The following ADCY8 variants were observed in gnomAD, a reference collection of about 807,000 sequenced individuals.
The protein encoded by ADCY8 is adenylate cyclase type 8.
Under a neutral mutation model 119.7 loss-of-function variants are expected in ADCY8, and 51 were observed. That is an observed-to-expected ratio of 0.43 (90% CI 0.34 to 0.54). ADCY8 has a LOEUF of 0.54. Ranked by LOEUF, ADCY8 falls within the 20% of genes least tolerant of loss-of-function variation. The probability of loss-of-function intolerance (pLI) is 0.03; values close to 1 mark genes in which losing one functional copy is unlikely to be tolerated. For missense variants in ADCY8, 1,383 were observed against 1,598.8 expected, an observed-to-expected ratio of 0.87 and a Z score of 2.30; for synonymous variants, 665 against 651.0, an observed-to-expected ratio of 1.02 and a Z score of -0.33.
At chr8:130,817,124 G>C (rs984956859) in intron 13 of ADCY8, among the ~76,000 whole-genome samples, 1 of 152,188 alleles carries the variant, frequency 6.6e-6, no homozygotes, top group African/African-American at 2.4e-5. Flanking sequence ...GGTAACAATT[G>C]TATTAATATA....
At chr8:131,013,143 T>G (rs1269161198) in intron 1 of ADCY8, among the ~76,000 whole-genome samples, 1 of 152,228 alleles carries the variant, frequency 6.6e-6, no homozygotes, top group Non-Finnish European at 1.5e-5. Flanking sequence ...CAAGTATGAC[T>G]GAGGCATTTA....
At chr8:130,915,692 T>G (rs2130566541) in intron 5 of ADCY8, among the ~76,000 whole-genome samples, 1 of 152,280 alleles carries the variant, frequency 6.6e-6, no homozygotes, top group South Asian at 2.1e-4. Context: ...TAGTACTAAC[T>G]TTTGGAAGTA....
At chr8:131,008,718 G>A (rs1405228304) in intron 1 of ADCY8, among the ~76,000 whole-genome samples, 1 of 152,158 alleles carries the variant, frequency 6.6e-6, no homozygotes, top group Non-Finnish European at 1.5e-5. Context: ...AAAGTTTGGA[G>A]GGCTCAGAAG....
At chr8:130,841,027 C>CA (rs1464328721) in intron 11 of ADCY8, among the ~76,000 whole-genome samples, 1 of 152,012 alleles carries the variant, frequency 6.6e-6, no homozygotes, top group Non-Finnish European at 1.5e-5. Flanking sequence ...CAGGAGAAGA[C>CA]AAAAAACCCC....
chr8:130,973,358 A>T (rs1273912150), intron 2 of ADCY8, among the ~76,000 whole-genome samples: 2 of 152,252 alleles, frequency 1.3e-5, no homozygotes, highest in Admixed American at 6.5e-5. Flanking sequence ...GAATCTTCAA[A>T]ATTGTTTGTA....
intron 1 of ADCY8, among the ~76,000 whole-genome samples, chr8:131,004,992 T>A (rs1449066637): frequency 6.6e-6 from 1 of 152,198 alleles, no homozygotes; most frequent in Admixed American, 6.5e-5. Flanking sequence ...TTTAACTTAC[T>A]GGTGACCTAT....
At chr8:130,884,248 T>C (rs1818893747) in intron 8 of ADCY8, among the ~76,000 whole-genome samples, 1 of 152,218 alleles carries the variant, frequency 6.6e-6, no homozygotes, top group South Asian at 2.1e-4. Flanking sequence ...GGTAAGTGGC[T>C]GTTAATGCCA....
intron 14 of ADCY8, among the ~76,000 whole-genome samples, chr8:130,802,322 A>G (rs563288505): frequency 3.3e-5 from 5 of 152,284 alleles, no homozygotes; most frequent in Admixed American, 6.5e-5. Context: ...TCTTCTAAAC[A>G]TATTTGCTCC....
chr8:130,888,276 T>A (rs938044505), intron 7 of ADCY8, among the ~76,000 whole-genome samples: 3 of 151,822 alleles, frequency 2.0e-5, no homozygotes, highest in African/African-American at 7.3e-5. Context: ...ATACATTGTA[T>A]TTATATATAA....
intron 1 of ADCY8, among the ~76,000 whole-genome samples, chr8:130,993,145 G>T (rs762925720): frequency 1.3e-5 from 2 of 152,110 alleles, no homozygotes; most frequent in Non-Finnish European, 2.9e-5. Flanking sequence ...ACAAAATAAA[G>T]CTGGCTTTGT....
At chr8:130,992,377 T>TATATATATATTGAGCAACTGTGC (rs1563758935) in intron 1 of ADCY8, among the ~76,000 whole-genome samples, 1 of 123,036 alleles carries the variant, frequency 8.1e-6, no homozygotes, top group African/African-American at 3.4e-5. Flanking sequence ...AGCAACTGTA[T>TATATATATATTGAGCAACTGTGC]CTGGCATATA....
At chr8:131,020,313 G>C (rs1823624351) in intron 1 of ADCY8, among the ~76,000 whole-genome samples, 1 of 152,168 alleles carries the variant, frequency 6.6e-6, no homozygotes, top group South Asian at 2.1e-4. Flanking sequence ...TGTGATTCAG[G>C]TGAGGACCAG....
rs149305048 is a variant in ADCY8, at chr8:130,959,892, G to A, written c.1111-7894C>T. On this transcript the variant is annotated intron_variant, in intron 2 of 17. Coordinates refer to ENST00000286355, the MANE Select transcript of ADCY8 (RefSeq NM_001115.3). ...GTATGGAGACATGCTGGGCCTTGCT[G>A]GGTGTTTATCTCGAGAGTTACCAGA... is the stretch of plus-strand genomic sequence containing the variant. 7.2e-3 allele frequency among the ~76,000 whole-genome samples: 1,091 copies of A among 152,294 alleles called. 18 individuals are homozygous for A. Among genetic ancestry groups the A allele is most frequent in the African/African-American group, 0.024 (1,011 of 41,570 alleles).
intron 2 of ADCY8, among the ~76,000 whole-genome samples, chr8:130,966,423 G>T (rs376549463): frequency 1.3e-5 from 2 of 152,148 alleles, no homozygotes; most frequent in East Asian, 3.8e-4. Flanking sequence ...GTTAAGAGTG[G>T]GGTGGGTTAG....
intron 4 of ADCY8, among the ~76,000 whole-genome samples, chr8:130,941,228 A>G (rs1820945827): frequency 6.6e-6 from 1 of 152,204 alleles, no homozygotes; most frequent in Non-Finnish European, 1.5e-5. Flanking sequence ...CGTCAGACAC[A>G]CAGCACCCTG....
chr8:130,944,742 A>T (rs978893557), intron 3 of ADCY8, among the ~76,000 whole-genome samples: 7 of 152,180 alleles, frequency 4.6e-5, no homozygotes, highest in African/African-American at 1.7e-4. Context: ...GAATCCTTAG[A>T]TCTATTGCTT....
At chr8:130,939,774 C>T (rs182791366) in intron 4 of ADCY8, among the ~76,000 whole-genome samples, 1 of 152,310 alleles carries the variant, frequency 6.6e-6, no homozygotes, top group East Asian at 1.9e-4. Context: ...ACAATGACAA[C>T]TGACACCTGG....
intron 10 of ADCY8, among the ~76,000 whole-genome samples, chr8:130,848,031 C>T (rs1817386698): frequency 6.6e-6 from 1 of 152,196 alleles, no homozygotes; most frequent in Non-Finnish European, 1.5e-5. Context: ...CAAATGCCTC[C>T]TCTGTGCCAG....
chr8:130,901,719 G>A (rs554241848), intron 7 of ADCY8, among the ~76,000 whole-genome samples: 4 of 152,126 alleles, frequency 2.6e-5, no homozygotes, highest in South Asian at 2.1e-4. Context: ...GGTGGCACGC[G>A]GTTATTCATG....
Sources: allele counts gnomAD v4.1 joint callset (sites outside exome capture counted in the v4.1 genomes callset), GRCh38; gene constraint gnomAD v4.1.1; transcripts MANE v1.5; gene names NCBI Gene and HGNC (gene_info 2026-07-23, HGNC 2026-07-21).